The following CKM variants were observed in gnomAD, a reference collection of about 807,000 sequenced individuals.
The protein encoded by CKM is creatine kinase M-type.
CKM carries 28 observed loss-of-function variants against 35.4 expected under a neutral mutation model. That is an observed-to-expected ratio of 0.79 (90% CI 0.59 to 1.08). The LOEUF is 1.08. CKM is among the 50% of genes least tolerant of loss of function. The pLI, the probability that CKM is intolerant of heterozygous loss-of-function variation, is 0.00. For synonymous variants in CKM, 215 were observed against 204.4 expected, an observed-to-expected ratio of 1.05 and a Z score of -0.44; for missense variants, 484 against 509.8, an observed-to-expected ratio of 0.95 and a Z score of 0.49.
At chr19:45,314,672 C>A (rs557297999) in intron 4 of CKM, among the ~76,000 whole-genome samples, 1 of 152,118 alleles carries the variant, frequency 6.6e-6, no homozygotes, top group African/African-American at 2.4e-5. Context: ...CCTCAGCTTC[C>A]CAAAATGCTG....
chr19:45,319,587 G>A lies in CKM; in HGVS notation c.127C>T (p.Arg43Trp), dbSNP rs140651487. 5.0e-6 allele frequency: 8 copies of A among 1,614,032 alleles called. No individual in the cohort carries two copies. In the African/African-American group the frequency reaches 5.3e-5, roughly 11 times the overall value. ...AAGCCAGATGGAGTCTCCTTGTCCC[G>A]CAGCTTCTTGTAGAGTTCAAGGGTC... ...VLTLELYKKL[R>W]DKETPSGFTV... The change falls in exon 2 of 8, where the codon CGG becomes TGG. Residue 43 changes from arginine (R) to tryptophan (W), a missense_variant. Coordinates refer to ENST00000221476, the MANE Select transcript of CKM (RefSeq NM_001824.5).
At chr19:45,313,825 G>A (rs191758883) in intron 4 of CKM, among the ~76,000 whole-genome samples, 17 of 152,168 alleles carry the variant, frequency 1.1e-4, no homozygotes, top group Admixed American at 3.3e-4. Flanking sequence ...CAGCCTGGGC[G>A]ACAAGAGTGT....
At position 45,311,568 on chromosome 19, in the gene CKM, C is replaced by T. The variant is rs539921596; in HGVS notation, c.653+181G>A. Among the ~76,000 whole-genome samples, 6 of 152,314 alleles carry T rather than the reference C, an allele frequency of 3.9e-5. No homozygotes were observed. The South Asian group carries it at 1.2e-3, about 32-fold the overall frequency. On this transcript the variant is annotated intron_variant, in intron 5 of 7. Transcript: ENST00000221476. Reference sequence around the variant, plus strand: ...CTACCACTTCTCCGGTCCAGATATCCCAAAATCTGACACACAGACCACAGG... The same window carrying T: ...CTACCACTTCTCCGGTCCAGATATCTCAAAATCTGACACACAGACCACAGG...
At chr19:45,322,698 T>C (rs1297404738) in intron 1 of CKM, 123 bp downstream of exon 1, 8 of 544,794 alleles carry the variant, frequency 1.5e-5, no homozygotes, top group Non-Finnish European at 1.9e-5. Context: ...CCGACCTGCC[T>C]TTGTATAGGA....
intron 4 of CKM, among the ~76,000 whole-genome samples, 197 bp downstream of exon 4, chr19:45,315,268 G>A (rs4803813): frequency 0.21 from 31,368 of 151,928 alleles, 4,531 homozygotes; most frequent in African/African-American, 0.41. Flanking sequence ...AGGGGCCGTC[G>A]GGTCTGGACA....
At chr19:45,315,865 A>G (rs1599818626) in intron 3 of CKM, among the ~76,000 whole-genome samples, 1 of 40,808 alleles carries the variant, frequency 2.5e-5, no homozygotes. Context: ...TTTCTTCGAG[A>G]CAGGGTCTCT....
intron 5 of CKM, among the ~76,000 whole-genome samples, chr19:45,310,953 T>TG (rs1971103478): frequency 6.9e-6 from 1 of 144,598 alleles, no homozygotes; most frequent in South Asian, 2.2e-4. Flanking sequence ...TTTTTTTTTT[T>TG]GTAGTTTTAG....
chr19:45,322,222 C>G (rs10410448), intron 1 of CKM, among the ~76,000 whole-genome samples: 68,576 of 150,830 alleles, frequency 0.45, 17,770 homozygotes, highest in African/African-American at 0.7. Flanking sequence ...TGACCCCCCC[C>G]ACAAGAGACA....
intron 2 of CKM, among the ~76,000 whole-genome samples, chr19:45,318,421 A>G (rs376182290): frequency 2.0e-3 from 301 of 151,694 alleles, no homozygotes; most frequent in African/African-American, 7.1e-3. Context: ...GGAAAAAAAA[A>G]AAAAGAGAGA....
At chr19:45,317,032 C>T (rs965104501) in intron 3 of CKM, among the ~76,000 whole-genome samples, 1 of 151,830 alleles carries the variant, frequency 6.6e-6, no homozygotes, top group Non-Finnish European at 1.5e-5. Context: ...TCTCCCTCTC[C>T]CTCTCCTTTG....
chr19:45,307,717 A>G, intron 6 of CKM, 67 bp from the exon 7 acceptor site: 2 of 1,369,126 alleles, frequency 1.5e-6, no homozygotes, highest in South Asian at 1.2e-5. Context: ...CGCAACATGG[A>G]CAGGGTCCGG....
chr19:45,314,823 C>T (rs1971141761), intron 4 of CKM, among the ~76,000 whole-genome samples: 1 of 151,828 alleles, frequency 6.6e-6, no homozygotes, highest in African/African-American at 2.4e-5. Flanking sequence ...GTGATCCTCC[C>T]ACCTCAGTCT....
Position 45,319,609 on chromosome 19 carries a change from G to C in CKM, c.105C>G (p.Thr35=). The change falls in exon 2 of 8, where the codon ACC becomes ACG. Residue 35 remains threonine (T), a synonymous_variant. Coordinates refer to ENST00000221476, the MANE Select transcript of CKM (RefSeq NM_001824.5). ...KHNNHMAKVL[T]LELYKKLRDK... The stretch of plus-strand genomic sequence containing the variant: ...CCCGCAGCTTCTTGTAGAGTTCAAG[G>C]GTCAGTACCTTGGCCATGTGGTTGT... The C allele has an allele frequency of 6.2e-7, 1 of 1,614,090 alleles. No homozygotes were observed. Among genetic ancestry groups the C allele is most frequent in the Non-Finnish European group, 8.5e-7 (1 of 1,180,008 alleles).
chr19:45,307,243 C>T (rs1352726862), intron 7 of CKM, among the ~76,000 whole-genome samples: 2 of 152,182 alleles, frequency 1.3e-5, no homozygotes, highest in African/African-American at 4.8e-5. Context: ...GGTCCAAGGG[C>T]ATGTGCAATG....
chr19:45,308,414 G>A lies in CKM; in HGVS notation c.772C>T (p.Gln258Ter). ...EVFRRFCVGL[Q>*]KIEEIFKKAG... ...AGCTAAGGGCAGACACCCACCTTCT[G>A]CAGCCCTACGCAGAAGCGGCGGAAA... Residue 258 changes from glutamine to a stop codon, truncating the protein, a stop_gained, in exon 6 of 8, where the codon CAG (glutamine) becomes TAG (stop). Coordinates refer to ENST00000221476, the MANE Select transcript of CKM (RefSeq NM_001824.5). LOFTEE classifies it high-confidence loss of function. 1 of 1,614,184 alleles carries A rather than the reference G, an allele frequency of 6.2e-7. No homozygotes were observed. Among genetic ancestry groups the A allele is most frequent in the Non-Finnish European group, 8.5e-7 (1 of 1,180,008 alleles).
chr19:45,309,636 C>T (rs1003595783), intron 5 of CKM, among the ~76,000 whole-genome samples: 25 of 150,420 alleles, frequency 1.7e-4, no homozygotes, highest in Non-Finnish European at 2.2e-4. Flanking sequence ...CTGAGGTGGG[C>T]GGATCACTTA....
intron 5 of CKM, among the ~76,000 whole-genome samples, chr19:45,309,044 G>A (rs1971082336): frequency 6.7e-6 from 1 of 149,806 alleles, no homozygotes; most frequent in African/African-American, 2.5e-5. Context: ...TGGCTAACAC[G>A]TCGAAACCCT....
At position 45,311,761 on chromosome 19, in the gene CKM, G is replaced by GCGTC. The variant is rs760835861; in HGVS notation, c.637_640dup (p.Ala214GlyfsTer9). The GCGTC allele has an allele frequency of 6.3e-7, 1 of 1,586,802 alleles. No homozygotes were observed. The highest frequency in any genetic ancestry group is 1.1e-5 in the South Asian group (1 of 88,274). On this transcript the variant is annotated frameshift_variant, in exon 5 of 8. Transcript: ENST00000221476. LOFTEE classifies it high-confidence loss of function. ...GGAGGGGCCTCACCAGATGCCACGG[G>GCGTC]CGTCGGGCCAGTCGCGGGCCATGCC...
intron 4 of CKM, 145 bp downstream of exon 4, chr19:45,315,320 C>T: frequency 1.8e-5 from 16 of 893,208 alleles, no homozygotes; most frequent in East Asian, 2.7e-5. Flanking sequence ...GCTGACAGCC[C>T]GCGCCATTCC....
Sources: gnomAD v4.1 joint callset for allele counts (sites outside exome capture counted in the v4.1 genomes callset) on GRCh38, gnomAD v4.1.1 for gene constraint, MANE v1.5 for transcripts, NCBI Gene and HGNC (gene_info 2026-07-23, HGNC 2026-07-21) for gene names.